RAB38: variants seen among roughly 807,000 people sequenced by gnomAD.
The protein encoded by RAB38 is RAB38, member RAS oncogene family.
A neutral mutation model predicts 18.4 loss-of-function variants in RAB38; 15 were observed. The ratio of observed to expected loss-of-function variants is 0.82; its 90% CI spans 0.55 to 1.26. The LOEUF is 1.26. Ranked by LOEUF, RAB38 falls within the 50% of genes most tolerant of loss-of-function variation. The probability of loss-of-function intolerance (pLI) is 0.00; values close to 1 mark genes in which losing one functional copy is unlikely to be tolerated. For missense variants in RAB38, 294 were observed against 267.4 expected, an observed-to-expected ratio of 1.10 and a Z score of -0.69; for synonymous variants, 101 against 104.4, an observed-to-expected ratio of 0.97 and a Z score of 0.20.
chr11:87,832,106 C>T, the RAB38 span, among the ~76,000 whole-genome samples: 1 of 152,186 alleles, frequency 6.6e-6, no homozygotes, highest in Non-Finnish European at 1.5e-5. Flanking sequence ...TTTAAATGTT[C>T]ACTGCCTCAT....
chr11:87,856,386 A>C, the RAB38 span, among the ~76,000 whole-genome samples: 1 of 152,200 alleles, frequency 6.6e-6, no homozygotes, highest in African/African-American at 2.4e-5. Context: ...TCTCTGAGTA[A>C]CTGTGTGGAG....
downstream of RAB38, chr11:88,113,179 A>G (rs892994414): frequency 6.7e-6 from 1 of 148,746 alleles, no homozygotes; most frequent in Non-Finnish European, 1.5e-5. Context: ...GATCTTGAGA[A>G]CCCTGTTTAC....
the RAB38 span, among the ~76,000 whole-genome samples, chr11:87,949,144 C>A: frequency 6.6e-6 from 1 of 152,156 alleles, no homozygotes; most frequent in African/African-American, 2.4e-5. Context: ...AAGAATTTAT[C>A]CATTTCTTCT....
the RAB38 span, among the ~76,000 whole-genome samples, chr11:87,967,931 A>T: frequency 6.6e-6 from 1 of 152,240 alleles, no homozygotes; most frequent in East Asian, 1.9e-4. Flanking sequence ...TGGGACACTA[A>T]CAGTCCAGCC....
chr11:87,847,423 TTA>T, the RAB38 span, among the ~76,000 whole-genome samples: 232 of 152,254 alleles, frequency 1.5e-3, no homozygotes, highest in Middle Eastern at 3.4e-3. Context: ...AAGACATAAC[TTA>T]TAAAAATTTA....
chr11:87,936,571 GATTGTACCTAA>G, the RAB38 span, among the ~76,000 whole-genome samples: 1 of 152,020 alleles, frequency 6.6e-6, no homozygotes, highest in Non-Finnish European at 1.5e-5. Context: ...CAGTCTTAAT[GATTGTACCTAA>G]AAAGCAAGTT....
At chr11:88,163,732 G>A (rs958323132) in intron 1 of RAB38, among the ~76,000 whole-genome samples, 5 of 152,060 alleles carry the variant, frequency 3.3e-5, no homozygotes, top group South Asian at 2.1e-4. Context: ...ATACATTTTC[G>A]AAAGTATTCT....
the RAB38 span, chr11:88,099,886 A>G: frequency 2.0e-4 from 31 of 151,910 alleles, no homozygotes; most frequent in African/African-American, 6.5e-4. Context: ...TTCACAGTTC[A>G]AGATGTCAAG....
the RAB38 span, among the ~76,000 whole-genome samples, chr11:88,003,829 G>A: frequency 0.033 from 21 of 640 alleles, no homozygotes; most frequent in South Asian, 0.071. Context: ...ATAATAGATT[G>A]TATAATATAT....
At chr11:87,841,408 C>T in the RAB38 span, among the ~76,000 whole-genome samples, 11 of 152,134 alleles carry the variant, frequency 7.2e-5, no homozygotes, top group African/African-American at 2.7e-4. Flanking sequence ...TCTACCATGA[C>T]TTAGCATGAG....
chr11:88,086,282 A>G, the RAB38 span, among the ~76,000 whole-genome samples: 446 of 152,036 alleles, frequency 2.9e-3, 1 homozygote, highest in African/African-American at 9.6e-3. Context: ...TTGCGTAAAC[A>G]TATTAAATTA....
intron 1 of RAB38, among the ~76,000 whole-genome samples, chr11:88,169,291 A>C (rs1943281126): frequency 6.6e-6 from 1 of 152,214 alleles, no homozygotes; most frequent in Non-Finnish European, 1.5e-5. Context: ...AAATAGCATC[A>C]TTTACTACTT....
chr11:88,123,232 T>C (rs1261135398), intron 2 of RAB38, among the ~76,000 whole-genome samples: 2 of 152,164 alleles, frequency 1.3e-5, no homozygotes, highest in African/African-American at 4.8e-5. Context: ...TTTGTTTGTG[T>C]ATCCTCTACT....
chr11:88,040,173 T>C, the RAB38 span, among the ~76,000 whole-genome samples: 5 of 152,308 alleles, frequency 3.3e-5, no homozygotes, highest in Non-Finnish European at 4.4e-5. Context: ...ACAGACTAGG[T>C]GGCTTAAACA....
chr11:88,079,560 A>G, the RAB38 span, among the ~76,000 whole-genome samples: 1 of 151,844 alleles, frequency 6.6e-6, no homozygotes, highest in Non-Finnish European at 1.5e-5. Context: ...GATATTATGA[A>G]ACCATCATTT....
At chr11:88,056,259 C>T in the RAB38 span, among the ~76,000 whole-genome samples, 6 of 152,040 alleles carry the variant, frequency 3.9e-5, no homozygotes, top group Admixed American at 3.9e-4. Context: ...ACTAAGGGAG[C>T]CACACTGTTT....
the RAB38 span, among the ~76,000 whole-genome samples, chr11:87,881,669 T>C: frequency 3.3e-5 from 5 of 151,872 alleles, no homozygotes; most frequent in African/African-American, 1.2e-4. Context: ...TATTATGGGT[T>C]TGTCTAATAT....
the RAB38 span, among the ~76,000 whole-genome samples, chr11:87,868,835 G>A: frequency 6.6e-6 from 1 of 151,460 alleles, no homozygotes; most frequent in Non-Finnish European, 1.5e-5. Flanking sequence ...TCCTTCTCAG[G>A]AGAATTACCT....
At chr11:88,095,911 ACACT>A in the RAB38 span, among the ~76,000 whole-genome samples, 8 of 151,970 alleles carry the variant, frequency 5.3e-5, no homozygotes, top group African/African-American at 1.7e-4. Flanking sequence ...TTTTGAGTCA[ACACT>A]CAGTGACTTT....
Sources: gnomAD v4.1 joint callset for allele counts (sites outside exome capture counted in the v4.1 genomes callset) on GRCh38, gnomAD v4.1.1 for gene constraint, MANE v1.5 for transcripts, NCBI Gene and HGNC (gene_info 2026-07-23, HGNC 2026-07-21) for gene names.